Variants in WWOX observed in about 807,000 individuals in gnomAD.
WWOX encodes WW domain-containing oxidoreductase.
A neutral mutation model predicts 46.2 loss-of-function variants in WWOX; 69 were observed. That is an observed-to-expected ratio of 1.49 (90% CI 1.23 to 1.82). WWOX has a LOEUF of 1.82. Ranked by LOEUF, WWOX falls within the 40% of genes most tolerant of loss-of-function variation. The probability of loss-of-function intolerance (pLI) is 0.00; values close to 1 mark genes in which losing one functional copy is unlikely to be tolerated. For synonymous variants in WWOX, 359 were observed against 202.6 expected (o/e 1.77, Z -6.56); for missense variants, 919 against 542.6 (o/e 1.69, Z -6.89).
At chr16:78,398,900 C>T (rs934935088) in intron 6 of WWOX, among the ~76,000 whole-genome samples, 2 of 152,200 alleles carry the variant, frequency 1.3e-5, no homozygotes, top group Non-Finnish European at 2.9e-5. Context: ...TCTTTATCAT[C>T]CTTTGCAATT....
At chr16:78,690,931 G>A (rs927246216) in intron 8 of WWOX, among the ~76,000 whole-genome samples, 2 of 152,106 alleles carry the variant, frequency 1.3e-5, no homozygotes, top group Non-Finnish European at 2.9e-5. Flanking sequence ...TTTGTGTTGA[G>A]GTTTCTGTAG....
At position 78,362,375 on chromosome 16, in the gene WWOX, C is replaced by G. The variant is rs555863557; in HGVS notation, c.517-24485C>G. ...CTGTAATCCCAGCACTTTGGAAGGC[C>G]AATGCGGGTGGATCACCTGATGATA... On this transcript the variant is annotated intron_variant, in intron 5 of 8. Transcript: ENST00000566780. Among the ~76,000 whole-genome samples the G allele has an allele frequency of 3.9e-5, 6 of 152,140 alleles. 1 individual carries two copies.
chr16:78,922,115 T>C (rs964719852), intron 8 of WWOX, among the ~76,000 whole-genome samples: 2 of 152,162 alleles, frequency 1.3e-5, no homozygotes, highest in Admixed American at 1.3e-4. Flanking sequence ...AGAGTATTTA[T>C]TGGGTCTTCG....
intron 4 of WWOX, among the ~76,000 whole-genome samples, chr16:78,160,703 G>T (rs964496749): frequency 2.1e-4 from 32 of 152,076 alleles, no homozygotes; most frequent in African/African-American, 7.7e-4. Context: ...ACTTGCTTTT[G>T]CCCCTGCAAA....
chr16:78,431,222 T>A (rs983241238), intron 7 of WWOX, among the ~76,000 whole-genome samples: 1 of 152,252 alleles, frequency 6.6e-6, no homozygotes, highest in African/African-American at 2.4e-5. Flanking sequence ...ACTAGTTACG[T>A]TGATTTGTGT....
In WWOX at chr16:78,346,938, C is replaced by G. The variant is rs558739899; in HGVS notation, c.517-39922C>G. ...ACAGGGTTTCACCATGTTGACCAGG[C>G]TGGTTTCAACTCCTGACCTCAGGTG... On this transcript the variant is annotated intron_variant, in intron 5 of 8. Transcript: ENST00000566780. Among the ~76,000 whole-genome samples the G allele has an allele frequency of 7.3e-4, 87 of 118,552 alleles. 19 individuals carry two copies. The highest frequency in any genetic ancestry group is 2.4e-3 in the African/African-American group (85 of 35,022). The allele number at this position is 118,552 out of a possible 152,430, so 77.8% of individuals were successfully genotyped here. A position where few individuals can be genotyped will look rare whatever the true frequency, so the allele number is the denominator to read the frequency against.
intron 8 of WWOX, among the ~76,000 whole-genome samples, chr16:78,564,850 C>T (rs2044526765): frequency 6.6e-6 from 1 of 151,800 alleles, no homozygotes; most frequent in African/African-American, 2.4e-5. Flanking sequence ...CTTTTCTTTC[C>T]TCTTTTTCTT....
At chr16:78,539,124 G>C (rs187119480) in intron 8 of WWOX, among the ~76,000 whole-genome samples, 1 of 152,212 alleles carries the variant, frequency 6.6e-6, no homozygotes, top group Non-Finnish European at 1.5e-5. Flanking sequence ...CTGCCTGTCT[G>C]TAGGCCTTTA....
chr16:78,404,587 A>T (rs1239529322), intron 6 of WWOX, among the ~76,000 whole-genome samples: 1 of 152,072 alleles, frequency 6.6e-6, no homozygotes, highest in African/African-American at 2.4e-5. Context: ...AATTTCTTTC[A>T]TATCACAACT....
intron 6 of WWOX, among the ~76,000 whole-genome samples, chr16:78,414,404 A>G (rs113248083): frequency 5.3e-5 from 8 of 152,256 alleles, no homozygotes; most frequent in African/African-American, 1.4e-4. Context: ...CCCTGCATCT[A>G]CTAAAAATAC....
intron 8 of WWOX, among the ~76,000 whole-genome samples, chr16:78,495,146 T>C (rs2084882087): frequency 4.5e-5 from 1 of 22,116 alleles, no homozygotes; most frequent in African/African-American, 7.5e-5. Context: ...TGTTGTGTTC[T>C]TTTTTTTTTT....
chr16:78,785,075 T>TAAAGC (rs1199903530), intron 8 of WWOX, among the ~76,000 whole-genome samples: 1 of 152,132 alleles, frequency 6.6e-6, no homozygotes, highest in African/African-American at 2.4e-5. Flanking sequence ...TTGGGCAGTC[T>TAAAGC]CCAGGGAATA....
At chr16:79,177,014 A>G (rs2050813401) in intron 8 of WWOX, among the ~76,000 whole-genome samples, 1 of 152,120 alleles carries the variant, frequency 6.6e-6, no homozygotes, top group Non-Finnish European at 1.5e-5. Flanking sequence ...TAATTGTCTT[A>G]GCATATGTTG....
chr16:78,848,841 T>C (rs543854307), intron 8 of WWOX, among the ~76,000 whole-genome samples: 1 of 152,130 alleles, frequency 6.6e-6, no homozygotes. Context: ...TAACCTCCTC[T>C]GAGATTCTGT....
intron 5 of WWOX, chr16:78,166,788 A>G (rs527250494): frequency 7.1e-6 from 1 of 140,788 alleles, no homozygotes; most frequent in Non-Finnish European, 1.6e-5. Context: ...CGACCTCCTG[A>G]TCTCATGATC....
At chr16:78,659,294 A>G (rs1194685097) in intron 8 of WWOX, among the ~76,000 whole-genome samples, 1 of 152,070 alleles carries the variant, frequency 6.6e-6, no homozygotes, top group African/African-American at 2.4e-5. Context: ...AATTCAGCCC[A>G]GTTTTTTCAG....
At chr16:78,768,157 CG>C (rs55924702) in intron 8 of WWOX, among the ~76,000 whole-genome samples, 70,529 of 148,374 alleles carry the variant, frequency 0.48, 17,109 homozygotes, top group Middle Eastern at 0.62. Flanking sequence ...GGCTGCGGGG[CG>C]GGGGGGTCGG....
intron 8 of WWOX, among the ~76,000 whole-genome samples, chr16:78,751,777 G>A (rs889439041): frequency 1.3e-5 from 2 of 151,416 alleles, no homozygotes; most frequent in Admixed American, 1.3e-4. Flanking sequence ...GAAGAAGGAG[G>A]GAGGGAGGGA....
chr16:79,082,256 G>A (rs2048774339), intron 8 of WWOX, among the ~76,000 whole-genome samples: 3 of 152,180 alleles, frequency 2.0e-5, no homozygotes, highest in South Asian at 2.1e-4. Context: ...CAGAGGCAGA[G>A]GAGAACAGGA....
Sources: allele counts gnomAD v4.1 joint callset (sites outside exome capture counted in the v4.1 genomes callset), GRCh38; gene constraint gnomAD v4.1.1; transcripts MANE v1.5; gene names NCBI Gene and HGNC (gene_info 2026-07-23, HGNC 2026-07-21).